The following PRR14L variants were observed in gnomAD, a reference collection of about 807,000 sequenced individuals.
PRR14L encodes protein PRR14L.
A neutral mutation model predicts 155.0 loss-of-function variants in PRR14L; 80 were observed. That is an observed-to-expected ratio of 0.52 (90% CI 0.43 to 0.62). The LOEUF (loss-of-function observed/expected upper bound fraction) is 0.62, where lower values mean the gene tolerates loss of function less well. Ranked by LOEUF, PRR14L falls within the 20% of genes least tolerant of loss-of-function variation. PRR14L has a pLI of 0.00. For synonymous variants in PRR14L, 883 were observed against 916.0 expected, an observed-to-expected ratio of 0.96 and a Z score of 0.65; for missense variants, 2,469 against 2,548.0, an observed-to-expected ratio of 0.97 and a Z score of 0.67.
chr22:31,715,876 G>A lies in PRR14L; in HGVS notation c.1963C>T (p.Gln655Ter). 1 of 1,551,514 alleles carries A rather than the reference G, an allele frequency of 6.4e-7. No homozygotes were observed. Among genetic ancestry groups the A allele is most frequent in the Admixed American group, 2.0e-5 (1 of 50,976 alleles). Residue 655 changes from glutamine (Q) to a stop codon, truncating the protein, a stop_gained, in exon 4 of 9, where the codon CAA becomes TAA. Coordinates refer to ENST00000327423, the MANE Select transcript of PRR14L (RefSeq NM_173566.3). LOFTEE classifies it high-confidence loss of function. The part of the protein sequence containing the change: ...KVESECVLNQ[Q>*]VSLNSQEHAN... ...TGTTCTTGAGAATTAAGGGACACTT[G>A]TTGATTTAAAACACATTCACTTTCT... is the stretch of plus-strand genomic sequence containing the variant.
At chr22:31,701,527 A>G in intron 7 of PRR14L, 129 bp downstream of exon 7, 1 of 576,532 alleles carries the variant, frequency 1.7e-6, no homozygotes. Context: ...TTACTAATTA[A>G]TTCTTTAGGA....
intron 1 of PRR14L, among the ~76,000 whole-genome samples, chr22:31,746,433 AGAGT>A (rs1277447520): frequency 3.3e-5 from 5 of 152,228 alleles, no homozygotes; most frequent in African/African-American, 7.2e-5. Flanking sequence ...GTAAAAGGGA[AGAGT>A]GAGTAACACA....
At chr22:31,726,513 T>C (rs1476637877) in intron 2 of PRR14L, among the ~76,000 whole-genome samples, 2 of 152,124 alleles carry the variant, frequency 1.3e-5, no homozygotes, top group South Asian at 2.1e-4. Context: ...GTGATCTGCC[T>C]ACCTCAGCCT....
At chr22:31,738,172 G>A (rs866172392) in intron 2 of PRR14L, among the ~76,000 whole-genome samples, 2 of 152,164 alleles carry the variant, frequency 1.3e-5, no homozygotes, top group African/African-American at 2.4e-5. Flanking sequence ...CGCTGCTTCA[G>A]AGAACTGACA....
intron 3 of PRR14L, among the ~76,000 whole-genome samples, chr22:31,723,537 G>A (rs965017783): frequency 1.3e-5 from 2 of 152,176 alleles, no homozygotes; most frequent in African/African-American, 2.4e-5. Flanking sequence ...CAATACTGGA[G>A]CCCAACTAAA....
chr22:31,709,546 T>TG (rs1361837736), intron 4 of PRR14L, among the ~76,000 whole-genome samples: 2 of 141,896 alleles, frequency 1.4e-5, no homozygotes, highest in Non-Finnish European at 3.1e-5. Flanking sequence ...TTTTTTTTTT[T>TG]TTTTTTTTTT....
chr22:31,695,107 C>T (rs1215048825), intron 7 of PRR14L, among the ~76,000 whole-genome samples: 1 of 152,066 alleles, frequency 6.6e-6, no homozygotes, highest in African/African-American at 2.4e-5. Context: ...AAAAAACCTA[C>T]AGTTATTTGT....
intron 3 of PRR14L, among the ~76,000 whole-genome samples, chr22:31,718,766 G>A (rs1324264234): frequency 7.2e-6 from 1 of 139,420 alleles, no homozygotes; most frequent in Non-Finnish European, 1.5e-5. Flanking sequence ...AACAGAAAAA[G>A]CAAAATGCAA....
In PRR14L at chr22:31,715,287, T is replaced by A; in HGVS notation, c.2552A>T (p.Tyr851Phe). Residue 851 changes from tyrosine (Y) to phenylalanine (F), a missense_variant, in exon 4 of 9, where the codon TAC (tyrosine) becomes TTC (phenylalanine). Coordinates refer to ENST00000327423, the MANE Select transcript of PRR14L (RefSeq NM_173566.3). ...ATCAAGTTCCCTTTCCTGTGATGTG[T>A]AACTCACTTTACAGCTGCTTTTTTC... ...SVEKSSCKVS[Y>F]TSQERELDGK... 6.4e-7 allele frequency: 1 copy of A among 1,552,148 alleles called. No individual in the cohort carries two copies. The highest frequency in any genetic ancestry group is 8.7e-7 in the Non-Finnish European group (1 of 1,147,012).
intron 4 of PRR14L, 31 bp downstream of exon 4, chr22:31,712,052 A>T: frequency 6.4e-7 from 1 of 1,556,730 alleles, no homozygotes; most frequent in Non-Finnish European, 8.7e-7. Flanking sequence ...CAAATATGGG[A>T]CATTTGTAAA....
At chr22:31,698,782 C>T (rs1032354278) in intron 7 of PRR14L, among the ~76,000 whole-genome samples, 38 of 151,562 alleles carry the variant, frequency 2.5e-4, no homozygotes, top group African/African-American at 7.7e-4. Context: ...ATTAGCCGGG[C>T]GTACTGGCGG....
chr22:31,710,345 T>A (rs1024237125), intron 4 of PRR14L, among the ~76,000 whole-genome samples: 1 of 152,236 alleles, frequency 6.6e-6, no homozygotes, highest in Non-Finnish European at 1.5e-5. Context: ...TTATTTGATG[T>A]CTAATTTGTC....
intron 7 of PRR14L, among the ~76,000 whole-genome samples, chr22:31,699,552 A>G (rs1414296599): frequency 1.3e-5 from 2 of 152,224 alleles, no homozygotes; most frequent in Non-Finnish European, 2.9e-5. Flanking sequence ...CAAAATCTGA[A>G]AAAATCTGAA....
At chr22:31,698,871 G>A (rs1251804339) in intron 7 of PRR14L, among the ~76,000 whole-genome samples, 3 of 150,606 alleles carry the variant, frequency 2.0e-5, no homozygotes, top group Admixed American at 6.6e-5. Flanking sequence ...GCAGTGAGCC[G>A]AGATCGTGCC....
At chr22:31,690,798 T>C (rs1000505758) in intron 7 of PRR14L, among the ~76,000 whole-genome samples, 2 of 148,426 alleles carry the variant, frequency 1.3e-5, no homozygotes, top group Admixed American at 1.3e-4. Flanking sequence ...TGCACCACCA[T>C]GCCCAGATAA....
In PRR14L at chr22:31,750,082, G is replaced by A. The variant is rs866643494; in HGVS notation, c.-141C>T. 2.6e-5 allele frequency: 4 copies of A among 152,690 alleles called. No individual in the cohort carries two copies. Among genetic ancestry groups the A allele is most frequent in the Admixed American group, 6.5e-5 (1 of 15,316 alleles). 9.5% of individuals were successfully genotyped at this position (152,690 alleles called of 1,614,324 possible). A position where few individuals can be genotyped will look rare whatever the true frequency, so the allele number is the denominator to read the frequency against. ...CGTCGCCAGGTCTACCTGAGCCTACGGAGCCGACAGAGGCCGGGGGCGCTC... is the reference window on the plus strand; with the variant it reads ...CGTCGCCAGGTCTACCTGAGCCTACAGAGCCGACAGAGGCCGGGGGCGCTC... On this transcript the variant is annotated 5_prime_UTR_variant, in exon 1 of 9. Coordinates refer to ENST00000327423, the MANE Select transcript of PRR14L (RefSeq NM_173566.3).
chr22:31,717,213 G>T lies in PRR14L; in HGVS notation c.626C>A (p.Thr209Lys), dbSNP rs1396987566. The change falls in exon 4 of 9, where the codon ACG becomes AAG. Residue 209 changes from threonine (T) to lysine (K), a missense_variant. This residue lies in a region of PRR14L where 2,363 missense variants were observed against 2,371.6 expected (regional missense o/e 1.00). Transcript: ENST00000327423. Reference protein sequence around the residue: ...VQGMKVNGTKTDNNEGHKNGN... With the variant: ...VQGMKVNGTKKDNNEGHKNGN... ...ATTTTTGTGTCCTTCATTATTATCCGTCTTAGTCCCATTGACCTTCATACC... is the reference window on the plus strand; with the variant it reads ...ATTTTTGTGTCCTTCATTATTATCCTTCTTAGTCCCATTGACCTTCATACC... The T allele has an allele frequency of 6.4e-7, 1 of 1,551,766 alleles. No individual in the cohort carries two copies. The highest frequency in any genetic ancestry group is 8.7e-7 in the Non-Finnish European group (1 of 1,147,048).
At chr22:31,696,169 T>C (rs953839581) in intron 7 of PRR14L, among the ~76,000 whole-genome samples, 1 of 151,390 alleles carries the variant, frequency 6.6e-6, no homozygotes. Context: ...TTAGATGGGG[T>C]CTTGCTCTAT....
chr22:31,719,298 A>T (rs2074677767), intron 3 of PRR14L, among the ~76,000 whole-genome samples: 2 of 152,010 alleles, frequency 1.3e-5, no homozygotes, highest in African/African-American at 4.8e-5. Flanking sequence ...CTTTAATCCC[A>T]GCTACTTGGG....
Sources: allele counts gnomAD v4.1 joint callset (sites outside exome capture counted in the v4.1 genomes callset), GRCh38; gene constraint gnomAD v4.1.1; regional missense constraint gnomAD v4.1.1; transcripts MANE v1.5; gene names NCBI Gene and HGNC (gene_info 2026-07-23, HGNC 2026-07-21).